DACH1: variants seen among roughly 807,000 people sequenced by gnomAD.
DACH1 encodes the protein dachshund family transcription factor 1, also known as dachshund homolog 1.
A neutral mutation model predicts 54.2 loss-of-function variants in DACH1; 12 were observed. That is an observed-to-expected ratio of 0.22 (90% CI 0.14 to 0.36). DACH1 has a LOEUF of 0.36. Ranked by LOEUF, DACH1 falls within the 10% of genes least tolerant of loss-of-function variation. DACH1 has a pLI of 1.00. For missense variants in DACH1, 805 were observed against 929.8 expected, an observed-to-expected ratio of 0.87 and a Z score of 1.75; for synonymous variants, 386 against 366.2, an observed-to-expected ratio of 1.05 and a Z score of -0.62.
chr13:71,600,702 ACAGT>A (rs1239097534), intron 3 of DACH1, among the ~76,000 whole-genome samples: 4 of 152,030 alleles, frequency 2.6e-5, no homozygotes, highest in Non-Finnish European at 5.9e-5. Context: ...ATTCTTTCTA[ACAGT>A]CAAAGTTATC....
chr13:71,670,669 A>T (rs2138675284), intron 2 of DACH1, among the ~76,000 whole-genome samples: 1 of 152,190 alleles, frequency 6.6e-6, no homozygotes, highest in Non-Finnish European at 1.5e-5. Flanking sequence ...TATTAACTTT[A>T]TTTTTAAATC....
chr13:71,455,363 T>C (rs1034987415), intron 10 of DACH1, among the ~76,000 whole-genome samples: 1 of 152,126 alleles, frequency 6.6e-6, no homozygotes, highest in Non-Finnish European at 1.5e-5. Context: ...TATAGATAGA[T>C]ATATCCATAT....
At chr13:71,510,842 C>T (rs1048603731) in intron 6 of DACH1, among the ~76,000 whole-genome samples, 2 of 151,790 alleles carry the variant, frequency 1.3e-5, no homozygotes, top group Non-Finnish European at 1.5e-5. Context: ...CAGTAAAATA[C>T]TTTTATCTCT....
chr13:71,703,759 T>C (rs10507798), intron 1 of DACH1, among the ~76,000 whole-genome samples: 40,987 of 152,080 alleles, frequency 0.27, 12,832 homozygotes, highest in African/African-American at 0.76. Flanking sequence ...CTCCTTCAAG[T>C]TAATTCTGCA....
chr13:71,509,000 A>G (rs1941924051), intron 6 of DACH1, among the ~76,000 whole-genome samples: 1 of 152,058 alleles, frequency 6.6e-6, no homozygotes, highest in African/African-American at 2.4e-5. Context: ...TATCCCTTCA[A>G]AATATTCTTA....
intron 1 of DACH1, among the ~76,000 whole-genome samples, chr13:71,837,665 G>A (rs184560619): frequency 2.6e-4 from 39 of 151,474 alleles, no homozygotes; most frequent in Non-Finnish European, 4.4e-4. Context: ...CCCATTACTG[G>A]GTATATACCC....
intron 1 of DACH1, among the ~76,000 whole-genome samples, chr13:71,785,441 GA>G (rs1886552226): frequency 6.6e-6 from 1 of 152,174 alleles, no homozygotes; most frequent in Admixed American, 6.5e-5. Context: ...TTAGAGTTTA[GA>G]AAATTCCCTT....
In DACH1 at chr13:71,481,915, TA is replaced by T. The variant is rs1878065990; in HGVS notation, c.1723-2600del. The stretch of plus-strand genomic sequence containing the variant: ...GTTGATCACGTGCAAACGGTCACGT[TA>T]AATGCTGCATCTCACTTGGACATGC... On this transcript the variant is annotated intron_variant, in intron 7 of 10. Transcript: ENST00000613252. Among the ~76,000 whole-genome samples the T allele has an allele frequency of 3.9e-5, 6 of 152,326 alleles. No individual in the cohort carries two copies. In the South Asian group the frequency reaches 1.2e-3, roughly 32 times the overall value.
At chr13:71,730,799 T>C (rs1185343903) in intron 1 of DACH1, among the ~76,000 whole-genome samples, 1 of 152,108 alleles carries the variant, frequency 6.6e-6, no homozygotes, top group African/African-American at 2.4e-5. Flanking sequence ...TTTTATTAGT[T>C]ATAATTGTCA....
At chr13:71,547,118 C>A (rs1179712351) in intron 6 of DACH1, among the ~76,000 whole-genome samples, 5 of 152,020 alleles carry the variant, frequency 3.3e-5, no homozygotes, top group Non-Finnish European at 7.4e-5. Context: ...AACTAAACAA[C>A]CTGCCAAATA....
intron 3 of DACH1, among the ~76,000 whole-genome samples, chr13:71,608,340 G>A (rs1875041647): frequency 6.6e-6 from 1 of 151,850 alleles, no homozygotes; most frequent in Non-Finnish European, 1.5e-5. Context: ...ATGTTATTAT[G>A]TCCATCATGT....
At chr13:71,719,788 A>G (rs1184456146) in intron 1 of DACH1, among the ~76,000 whole-genome samples, 2 of 152,032 alleles carry the variant, frequency 1.3e-5, no homozygotes, top group Non-Finnish European at 2.9e-5. Flanking sequence ...TTACTTGAGC[A>G]CAGGAGGTTG....
intron 3 of DACH1, among the ~76,000 whole-genome samples, chr13:71,614,715 G>A (rs994033798): frequency 7.2e-5 from 11 of 151,972 alleles, no homozygotes; most frequent in Non-Finnish European, 2.9e-5. Flanking sequence ...TTAGCCAGGT[G>A]TGATGGTGCA....
rs1877026086 is a variant in DACH1, at chr13:71,630,631, C to T, written c.1051G>A (p.Ala351Thr). The change falls in exon 3 of 11, where the codon GCC becomes ACC. Residue 351 changes from alanine (A) to threonine (T), a missense_variant. By Grantham distance (58) the Ala-to-Thr change is moderately conservative. Transcript: ENST00000613252. Reference sequence around the variant, plus strand: ...TTACTGGCATGATAGTTGCTCATGGCTTCTAATTTGATTTTTTTCACCTTC... The same window carrying T: ...TTACTGGCATGATAGTTGCTCATGGTTTCTAATTTGATTTTTTTCACCTTC... ...AMKVKKIKLE[A>T]MSNYHASNNQ... is the part of the protein sequence containing the mutation. 1.2e-6 allele frequency: 2 copies of T among 1,611,880 alleles called. No homozygotes were observed. The highest frequency in any genetic ancestry group is 1.7e-6 in the Non-Finnish European group (2 of 1,179,258).
chr13:71,766,410 T>A (rs895576723), intron 1 of DACH1, among the ~76,000 whole-genome samples: 1 of 152,152 alleles, frequency 6.6e-6, no homozygotes, highest in South Asian at 2.1e-4. Context: ...GCAACCCAGT[T>A]TTTTCTAAGG....
At chr13:71,519,177 T>C (rs1477862391) in intron 6 of DACH1, among the ~76,000 whole-genome samples, 1 of 151,894 alleles carries the variant, frequency 6.6e-6, no homozygotes, top group Non-Finnish European at 1.5e-5. Flanking sequence ...TCATAATCAT[T>C]CTAAATAGTC....
intron 1 of DACH1, among the ~76,000 whole-genome samples, chr13:71,737,639 T>C (rs546493003): frequency 2.0e-5 from 3 of 152,304 alleles, no homozygotes; most frequent in Admixed American, 6.5e-5. Flanking sequence ...AGGGTTCTTT[T>C]TGCTGTTGTT....
intron 2 of DACH1, among the ~76,000 whole-genome samples, chr13:71,632,417 T>C (rs1184864588): frequency 2.7e-5 from 2 of 74,852 alleles, no homozygotes; most frequent in African/African-American, 4.9e-5. Context: ...ACCCCACCCA[T>C]TTTTTTTTTT....
At chr13:71,475,290 T>C in intron 9 of DACH1, 81 bp from the exon 10 acceptor site, 1 of 1,130,372 alleles carries the variant, frequency 8.8e-7, no homozygotes, top group Non-Finnish European at 1.3e-6. Flanking sequence ...AACCTGTTAC[T>C]TTGGTGCTGA....
Sources: gnomAD v4.1 joint callset for allele counts (sites outside exome capture counted in the v4.1 genomes callset) on GRCh38, gnomAD v4.1.1 for gene constraint, MANE v1.5 for transcripts, NCBI Gene and HGNC (gene_info 2026-07-23, HGNC 2026-07-21) for gene names.